CELF2: variants seen among roughly 807,000 people sequenced by gnomAD.
CELF2 encodes CUG triplet repeat RNA-binding protein 2.
Under a neutral mutation model 62.6 loss-of-function variants are expected in CELF2, and 8 were observed. That is an observed-to-expected ratio of 0.13 (90% CI 0.07 to 0.23). The LOEUF is 0.23. Among genes scored for constraint, CELF2 ranks in the 10% least tolerant of loss-of-function variants. The probability of loss-of-function intolerance (pLI) is 1.00; values close to 1 mark genes in which losing one functional copy is unlikely to be tolerated. For synonymous variants in CELF2, 258 were observed against 250.0 expected (o/e 1.03, Z -0.30); for missense variants, 333 against 671.0 (o/e 0.50, Z 5.56).
Position 11,159,361 on chromosome 10 carries a change from A to T in CELF2, c.75-6125A>T, listed in dbSNP as rs948722118. 2.6e-5 allele frequency among the ~76,000 whole-genome samples: 4 copies of T among 152,256 alleles called. No individual in the cohort carries two copies. Among genetic ancestry groups the T allele is most frequent in the African/African-American group, 9.6e-5 (4 of 41,460 alleles). On this transcript the variant is annotated intron_variant, in intron 1 of 12. Coordinates refer to ENST00000633077, the MANE Select transcript of CELF2 (RefSeq NM_001326342.2). The surrounding 1 kb of genome is among the most constrained non-coding windows in gnomAD (Gnocchi z 5.0). ...AAAGGTGGCAAACTCTGCCCTGCCG[A>T]AAGGCAGTCATGGAAGACAGACGCG...
chr10:11,140,941 G>A (rs1041159566), intron 1 of CELF2, among the ~76,000 whole-genome samples: 2 of 152,172 alleles, frequency 1.3e-5, no homozygotes, highest in South Asian at 2.1e-4. Context: ...CGCTTGCGCC[G>A]GGGGTGTTGA....
At chr10:10,493,436 T>C in the CELF2 span, among the ~76,000 whole-genome samples, 3 of 151,942 alleles carry the variant, frequency 2.0e-5, no homozygotes, top group Admixed American at 6.6e-5. Flanking sequence ...TGGTAAATTT[T>C]ATATATACTT....
chr10:11,098,163 C>T lies in CELF2; in HGVS notation c.75-67323C>T, dbSNP rs1038030509. On this transcript the variant is annotated intron_variant, in intron 1 of 12. Transcript: ENST00000633077. The surrounding 1 kb of genome is among the most constrained non-coding windows in gnomAD (Gnocchi z 4.0). Reference sequence around the variant, plus strand: ...TGTGTGTGAAGGATGAGGTGTGTTTCGTATGCCCATATTTTGGATTGGATG... The same window carrying T: ...TGTGTGTGAAGGATGAGGTGTGTTTTGTATGCCCATATTTTGGATTGGATG... 2.7e-4 allele frequency: 41 copies of T among 152,394 alleles called. No homozygotes were observed. Among genetic ancestry groups the T allele is most frequent in the African/African-American group, 9.9e-4 (41 of 41,458 alleles). 9.4% of individuals were successfully genotyped at this position (152,394 alleles called of 1,614,324 possible).
the CELF2 span, among the ~76,000 whole-genome samples, chr10:10,538,584 C>T: frequency 6.6e-6 from 1 of 152,170 alleles, no homozygotes; most frequent in Non-Finnish European, 1.5e-5. Context: ...CCTCCCACCC[C>T]TATCCCCTGC....
chr10:10,716,564 A>G, the CELF2 span, among the ~76,000 whole-genome samples: 1 of 152,228 alleles, frequency 6.6e-6, no homozygotes, highest in Non-Finnish European at 1.5e-5. Context: ...AAAATCATTG[A>G]GAATGAACAT....
intron 1 of CELF2, among the ~76,000 whole-genome samples, chr10:11,040,700 C>T (rs966805862): frequency 3.3e-5 from 5 of 152,028 alleles, no homozygotes; most frequent in African/African-American, 1.2e-4. Flanking sequence ...TATCCCCACT[C>T]ATGGAAATGA....
the CELF2 span, among the ~76,000 whole-genome samples, chr10:10,757,489 T>C: frequency 6.6e-6 from 1 of 152,152 alleles, no homozygotes; most frequent in East Asian, 1.9e-4. Context: ...AGACTAACTC[T>C]GTGAATTCTT....
chr10:11,315,120 C>T lies in CELF2; in HGVS notation c.1096+862C>T, dbSNP rs931844816. Among the ~76,000 whole-genome samples the T allele has an allele frequency of 2.0e-4, 30 of 152,270 alleles. No individual in the cohort carries two copies. The highest frequency in any genetic ancestry group is 7.2e-4 in the African/African-American group (30 of 41,538). On this transcript the variant is annotated intron_variant, in intron 10 of 12. Coordinates refer to ENST00000633077, the MANE Select transcript of CELF2 (RefSeq NM_001326342.2). The surrounding 1 kb of genome is among the most constrained non-coding windows in gnomAD (Gnocchi z 5.8). ...GGATAAGTCGTGTTTTAGATTCATG[C>T]TCGGTGTGGGTTCCTGTACTGAGGA...
At chr10:10,556,024 C>T in the CELF2 span, among the ~76,000 whole-genome samples, 1 of 152,020 alleles carries the variant, frequency 6.6e-6, no homozygotes, top group South Asian at 2.1e-4. Flanking sequence ...GCATTTTTTC[C>T]ACATTTTAAA....
At chr10:11,174,085 A>G (rs539281352) in intron 2 of CELF2, among the ~76,000 whole-genome samples, 5 of 152,352 alleles carry the variant, frequency 3.3e-5, no homozygotes, top group Admixed American at 6.5e-5. Context: ...GTAGTGAACT[A>G]GAGCTCTTAC....
chr10:10,739,147 C>CA, the CELF2 span, among the ~76,000 whole-genome samples: 4 of 151,726 alleles, frequency 2.6e-5, no homozygotes, highest in Non-Finnish European at 5.9e-5. Context: ...CTGACGATAA[C>CA]AAAAATGATA....
chr10:10,569,395 C>T, the CELF2 span, among the ~76,000 whole-genome samples: 1 of 151,994 alleles, frequency 6.6e-6, no homozygotes, highest in African/African-American at 2.4e-5. Context: ...TTACTCACTA[C>T]CACGAGAAAA....
At chr10:10,764,150 T>C in the CELF2 span, among the ~76,000 whole-genome samples, 2 of 152,216 alleles carry the variant, frequency 1.3e-5, no homozygotes, top group African/African-American at 4.8e-5. Flanking sequence ...AGGGATACTC[T>C]GGGGAGACTA....
chr10:10,556,734 G>A, the CELF2 span, among the ~76,000 whole-genome samples: 1 of 152,042 alleles, frequency 6.6e-6, no homozygotes, highest in Admixed American at 6.5e-5. Context: ...TCTAACTGGT[G>A]TGAGATGGTA....
At position 11,319,642 on chromosome 10, in the gene CELF2, C is replaced by T. The variant is rs1008967463; in HGVS notation, c.1097-1547C>T. Among the ~76,000 whole-genome samples the T allele has an allele frequency of 6.6e-6, 1 of 152,100 alleles. No homozygotes were observed. Among genetic ancestry groups the T allele is most frequent in the Non-Finnish European group, 1.5e-5 (1 of 68,020 alleles). On this transcript the variant is annotated intron_variant, in intron 10 of 12. Transcript: ENST00000633077. This position sits in a 1 kb window ranked among gnomAD's most constrained non-coding sequence, Gnocchi z 4.4. The stretch of plus-strand genomic sequence containing the variant: ...AGCTGGCAACACCTCTGAACTGAGC[C>T]TGCACTCAGGAGGCTGCCACTCCAT...
chr10:10,906,634 G>C (rs1221357182), intron 1 of CELF2, among the ~76,000 whole-genome samples: 2 of 151,668 alleles, frequency 1.3e-5, no homozygotes, highest in Non-Finnish European at 2.9e-5. Flanking sequence ...AAAATATACA[G>C]TAAATAAACA....
chr10:10,826,766 C>G (rs1237897749), intron 1 of CELF2, among the ~76,000 whole-genome samples: 1 of 152,170 alleles, frequency 6.6e-6, no homozygotes, highest in Admixed American at 6.5e-5. Context: ...ATGCTTTGTT[C>G]TAGGGGCTCT....
At chr10:11,288,974 C>T (rs939252764) in intron 9 of CELF2, among the ~76,000 whole-genome samples, 2 of 152,194 alleles carry the variant, frequency 1.3e-5, no homozygotes, top group African/African-American at 4.8e-5. Flanking sequence ...CACAGCAACT[C>T]CATCCATCAC....
intron 2 of CELF2, chr10:11,171,178 A>G (rs1234525401): frequency 2.0e-5 from 3 of 152,248 alleles, no homozygotes; most frequent in African/African-American, 4.8e-5. Context: ...CTGCTGTGCA[A>G]CTGCATCGCA....
Sources: allele counts gnomAD v4.1 joint callset (sites outside exome capture counted in the v4.1 genomes callset), GRCh38; gene constraint gnomAD v4.1.1; non-coding constraint Gnocchi (gnomAD v3.1); transcripts MANE v1.5; gene names NCBI Gene and HGNC (gene_info 2026-07-23, HGNC 2026-07-21).